Variants in ALG14 observed in about 807,000 individuals in gnomAD.
The protein encoded by ALG14 is UDP-N-acetylglucosamine transferase subunit ALG14.
ALG14 carries 17 observed loss-of-function variants against 22.8 expected under a neutral mutation model. That is an observed-to-expected ratio of 0.75 (90% CI 0.51 to 1.12). ALG14 has a LOEUF of 1.12. Ranked by LOEUF, ALG14 falls within the 50% of genes most tolerant of loss-of-function variation. The pLI, the probability that ALG14 is intolerant of heterozygous loss-of-function variation, is 0.00. For synonymous variants in ALG14, 89 were observed against 103.7 expected (o/e 0.86, Z 0.86); for missense variants, 288 against 271.8 (o/e 1.06, Z -0.42).
chr1:94,996,844 G>A (rs1475420361), intron 3 of ALG14, among the ~76,000 whole-genome samples: 2 of 152,000 alleles, frequency 1.3e-5, no homozygotes, highest in East Asian at 1.9e-4. Flanking sequence ...ACCATGCCCA[G>A]CTCATTTTTG....
At position 95,064,961 on chromosome 1, in the gene ALG14, G is replaced by A; in HGVS notation, c.193C>T (p.Pro65Ser). Residue 65 changes from proline to serine, a missense_variant, in exon 2 of 4, where the codon CCT (proline) becomes TCT (serine). Physicochemically the swap from Pro to Ser is moderately conservative, Grantham distance 74 (BLOSUM62 -1). Transcript: ENST00000370205. ...LLGSLSNAYSPRHYVIADTDE... is the reference protein window; with the variant it reads ...LLGSLSNAYSSRHYVIADTDE... ...GTGTCAGCAATGACATAATGTCTAG[G>A]TGAGTAGGCATTGGACAAGCTCCCA... 2 of 1,613,744 alleles carry A rather than the reference G, an allele frequency of 1.2e-6. No individual in the cohort carries two copies. Among genetic ancestry groups the A allele is most frequent in the Non-Finnish European group, 1.7e-6 (2 of 1,179,778 alleles).
intron 3 of ALG14, among the ~76,000 whole-genome samples, chr1:95,013,115 TA>T (rs568022540): frequency 0.011 from 1,517 of 134,872 alleles, 7 homozygotes; most frequent in South Asian, 0.022. Flanking sequence ...CTGTCTCAAT[TA>T]AAAAAAAAAA....
At chr1:95,057,725 A>C (rs944199326) in intron 2 of ALG14, among the ~76,000 whole-genome samples, 1 of 151,678 alleles carries the variant, frequency 6.6e-6, no homozygotes. Context: ...AAAAAAGAGA[A>C]GAAAATGGTC....
intron 2 of ALG14, among the ~76,000 whole-genome samples, chr1:95,044,734 C>A (rs993052690): frequency 6.6e-6 from 1 of 152,164 alleles, no homozygotes; most frequent in East Asian, 1.9e-4. Context: ...GTATTACTGT[C>A]TTCTCATCCA....
In ALG14 at chr1:94,982,921, TTCAC is replaced by T. The variant is rs1169643232; in HGVS notation, c.*151_*154del. ...GTTTCATAAGAGAAGCCTCAGTTTC[TTCAC>T]TGAGTCATCTGTACATTTTTTATTC... On this transcript the variant is annotated 3_prime_UTR_variant, in exon 4 of 4. Coordinates refer to ENST00000370205, the MANE Select transcript of ALG14 (RefSeq NM_144988.4). 1 of 639,104 alleles carries T rather than the reference TTCAC, an allele frequency of 1.6e-6. No individual in the cohort carries two copies. Among genetic ancestry groups the T allele is most frequent in the African/African-American group, 1.8e-5 (1 of 54,488 alleles). 39.6% of individuals were successfully genotyped at this position (639,104 alleles called of 1,614,324 possible).
At chr1:95,032,628 A>G (rs932981615) in intron 2 of ALG14, among the ~76,000 whole-genome samples, 1 of 152,158 alleles carries the variant, frequency 6.6e-6, no homozygotes, top group Non-Finnish European at 1.5e-5. Flanking sequence ...GAGCCTGCCA[A>G]TTAGAGCAGC....
intron 3 of ALG14, among the ~76,000 whole-genome samples, chr1:95,013,611 G>C (rs1443408849): frequency 6.6e-6 from 1 of 152,152 alleles, no homozygotes; most frequent in South Asian, 2.1e-4. Flanking sequence ...GAGCCAACGT[G>C]CCTGGCCAGT....
intron 1 of ALG14, among the ~76,000 whole-genome samples, chr1:95,068,021 G>A (rs968996425): frequency 2.6e-5 from 4 of 152,210 alleles, no homozygotes; most frequent in Admixed American, 6.5e-5. Flanking sequence ...TCCCCAAATC[G>A]TAGTGTTTAT....
At chr1:94,996,591 G>A (rs1438010089) in intron 3 of ALG14, among the ~76,000 whole-genome samples, 1 of 152,198 alleles carries the variant, frequency 6.6e-6, no homozygotes, top group Non-Finnish European at 1.5e-5. Context: ...TTAGGTGTTC[G>A]GAGTCATCTC....
chr1:95,012,084 C>T (rs1673379771), intron 3 of ALG14, among the ~76,000 whole-genome samples: 1 of 152,182 alleles, frequency 6.6e-6, no homozygotes, highest in South Asian at 2.1e-4. Context: ...TGGCTTGACT[C>T]TCATTCTCTC....
chr1:95,002,336 C>T (rs17112867), intron 3 of ALG14, among the ~76,000 whole-genome samples: 24,704 of 150,924 alleles, frequency 0.16, 2,578 homozygotes, highest in East Asian at 0.47. Flanking sequence ...CAGGCAGCCT[C>T]GCCTTAAGTT....
rs1672538872 is a variant in ALG14, at chr1:94,983,114, T to C, written c.613A>G (p.Lys205Glu). ...FIVQWPALKE[K>E]YPKSVYLGRI... ...CCAAGGTACACCGATTTGGGATACTTTTCTTTCAGAGCCGGCCACTGAACA... is the reference window on the plus strand; with the variant it reads ...CCAAGGTACACCGATTTGGGATACTCTTCTTTCAGAGCCGGCCACTGAACA... Residue 205 changes from lysine (K) to glutamate (E), a missense_variant, in exon 4 of 4, where the codon AAG (lysine) becomes GAG (glutamate). By Grantham distance (56) the Lys-to-Glu change is moderately conservative. Transcript: ENST00000370205. 1 of 1,614,092 alleles carries C rather than the reference T, an allele frequency of 6.2e-7. No individual in the cohort carries two copies. Among genetic ancestry groups the C allele is most frequent in the African/African-American group, 1.3e-5 (1 of 74,934 alleles).
chr1:95,052,923 G>C (rs1365135087), intron 2 of ALG14, among the ~76,000 whole-genome samples: 1 of 149,318 alleles, frequency 6.7e-6, no homozygotes, highest in African/African-American at 2.5e-5. Context: ...AATGAAAGGA[G>C]AAGCGGGGAA....
At chr1:95,047,405 G>A (rs559245739) in intron 2 of ALG14, among the ~76,000 whole-genome samples, 9 of 152,118 alleles carry the variant, frequency 5.9e-5, no homozygotes, top group Admixed American at 2.0e-4. Context: ...GTGCAGTGGC[G>A]TGATCTCGGC....
intron 2 of ALG14, among the ~76,000 whole-genome samples, chr1:95,054,488 C>G (rs892205387): frequency 6.6e-6 from 1 of 152,120 alleles, no homozygotes; most frequent in Non-Finnish European, 1.5e-5. Flanking sequence ...GAACTGTGAG[C>G]CAATTAAACC....
Position 94,981,726 on chromosome 1 carries a change from G to A in ALG14, c.*1350C>T, listed in dbSNP as rs1474437815. ...TGCTTTGTTAAAGAAGCAGAGGTTA[G>A]AGGGAAGGAAATGGAATTCCTGTTT... On this transcript the variant is annotated 3_prime_UTR_variant, in exon 4 of 4. Transcript: ENST00000370205. 2 of 148,910 alleles carry A rather than the reference G, an allele frequency of 1.3e-5. No homozygotes were observed. Among genetic ancestry groups the A allele is most frequent in the Non-Finnish European group, 3.0e-5 (2 of 67,472 alleles). 9.2% of individuals were successfully genotyped at this position (148,910 alleles called of 1,614,324 possible). A position where few individuals can be genotyped will look rare whatever the true frequency, so the allele number is the denominator to read the frequency against.
intron 2 of ALG14, among the ~76,000 whole-genome samples, chr1:95,060,754 A>C (rs955999882): frequency 6.6e-6 from 1 of 152,226 alleles, no homozygotes; most frequent in South Asian, 2.1e-4. Flanking sequence ...AAAATCCAAA[A>C]TATTTTTATA....
chr1:95,028,043 C>G (rs369277009), intron 2 of ALG14, among the ~76,000 whole-genome samples: 52 of 152,300 alleles, frequency 3.4e-4, no homozygotes, highest in East Asian at 2.7e-3. Flanking sequence ...GAAGATATCC[C>G]AAGACACGTT....
chr1:95,008,088 C>T (rs1438852245), intron 3 of ALG14, among the ~76,000 whole-genome samples: 4 of 152,168 alleles, frequency 2.6e-5, no homozygotes, highest in South Asian at 2.1e-4. Flanking sequence ...TTCTGAGAAT[C>T]GCTTCTTTCC....
Sources: allele counts gnomAD v4.1 joint callset (sites outside exome capture counted in the v4.1 genomes callset), GRCh38; gene constraint gnomAD v4.1.1; transcripts MANE v1.5; gene names NCBI Gene and HGNC (gene_info 2026-07-23, HGNC 2026-07-21).